BTBD9: variants seen among roughly 807,000 people sequenced by gnomAD.
BTBD9 encodes BTB domain containing 9.
Under a neutral mutation model 64.3 loss-of-function variants are expected in BTBD9, and 49 were observed. The ratio of observed to expected loss-of-function variants is 0.76; its 90% CI spans 0.61 to 0.97. The LOEUF is 0.97. BTBD9 is among the 50% of genes least tolerant of loss of function. The probability of loss-of-function intolerance (pLI) is 0.00; values close to 1 mark genes in which losing one functional copy is unlikely to be tolerated. For synonymous variants in BTBD9, 260 were observed against 274.7 expected, an observed-to-expected ratio of 0.95 and a Z score of 0.53; for missense variants, 598 against 762.1, an observed-to-expected ratio of 0.78 and a Z score of 2.53.
At chr6:38,414,848 T>C (rs1189525387) in intron 6 of BTBD9, among the ~76,000 whole-genome samples, 1 of 152,198 alleles carries the variant, frequency 6.6e-6, no homozygotes, top group African/African-American at 2.4e-5. Context: ...TTTCTCCTTT[T>C]ACTTTATATA....
At chr6:38,496,452 G>A (rs1390671837) in intron 6 of BTBD9, among the ~76,000 whole-genome samples, 1 of 151,832 alleles carries the variant, frequency 6.6e-6, no homozygotes, top group East Asian at 1.9e-4. Flanking sequence ...AGACCAGCCT[G>A]AGTAACACAG....
At chr6:38,564,861 C>T (rs562106277) in intron 6 of BTBD9, among the ~76,000 whole-genome samples, 1 of 152,144 alleles carries the variant, frequency 6.6e-6, no homozygotes, top group Admixed American at 6.5e-5. Flanking sequence ...TGCTGCACTC[C>T]AGCCTGGGCG....
At chr6:38,278,986 T>G (rs1339983452) in intron 8 of BTBD9, among the ~76,000 whole-genome samples, 1 of 152,182 alleles carries the variant, frequency 6.6e-6, no homozygotes, top group Non-Finnish European at 1.5e-5. Flanking sequence ...GATACATTGC[T>G]GAAAGAGGCA....
At chr6:38,614,187 G>A (rs750711965) in intron 1 of BTBD9, among the ~76,000 whole-genome samples, 1 of 152,124 alleles carries the variant, frequency 6.6e-6, no homozygotes, top group Non-Finnish European at 1.5e-5. Context: ...CTCAGAACAA[G>A]CTTCAAGCCC....
intron 9 of BTBD9, among the ~76,000 whole-genome samples, chr6:38,208,850 G>A (rs1762740945): frequency 6.6e-6 from 1 of 151,996 alleles, no homozygotes; most frequent in Non-Finnish European, 1.5e-5. Context: ...GGAAAAATGG[G>A]GCCAAGTTGA....
intron 9 of BTBD9, chr6:38,193,852 C>G: frequency 8.1e-6 from 8 of 985,410 alleles, no homozygotes; most frequent in Non-Finnish European, 9.6e-6. Context: ...CATCTTCCCT[C>G]TCACTATGAA....
chr6:38,379,848 T>C (rs1484008106), intron 6 of BTBD9, among the ~76,000 whole-genome samples: 1 of 152,196 alleles, frequency 6.6e-6, no homozygotes, highest in Non-Finnish European at 1.5e-5. Flanking sequence ...AGGGAAGGAA[T>C]GCACAGGAGA....
chr6:38,507,914 C>A (rs529617095), intron 6 of BTBD9, among the ~76,000 whole-genome samples: 1 of 148,274 alleles, frequency 6.7e-6, no homozygotes, highest in African/African-American at 2.5e-5. Flanking sequence ...GCTCACTTTA[C>A]GCTCCGCCTC....
intron 6 of BTBD9, among the ~76,000 whole-genome samples, chr6:38,558,886 A>C (rs978323282): frequency 1.3e-5 from 2 of 152,148 alleles, no homozygotes; most frequent in South Asian, 2.1e-4. Context: ...GGGTGATACT[A>C]GCTTCACAGA....
chr6:38,296,585 T>G (rs374754374), intron 7 of BTBD9, among the ~76,000 whole-genome samples: 47 of 152,288 alleles, frequency 3.1e-4, no homozygotes, highest in African/African-American at 1.1e-3. Context: ...TAATATAGTA[T>G]TTTACTTCTA....
chr6:38,203,854 C>T lies in BTBD9; in HGVS notation c.1563-11257G>A, dbSNP rs191037796. 3.4e-4 allele frequency among the ~76,000 whole-genome samples: 52 copies of T among 152,076 alleles called. 1 individual carries two copies. Among genetic ancestry groups the T allele is most frequent in the Admixed American group, 3.4e-3 (52 of 15,280 alleles). The stretch of plus-strand genomic sequence containing the variant: ...AATGTTCCATAGCAGACTAGGGTGA[C>T]TATAGTTAGCAACAATGTATTGTAT... On this transcript the variant is annotated intron_variant, in intron 9 of 10. Coordinates refer to ENST00000481247, the MANE Select transcript of BTBD9 (RefSeq NM_001099272.2).
In BTBD9 at chr6:38,333,913, T is replaced by C. The variant is rs114748325; in HGVS notation, c.1264+11071A>G. ...GTAGAACTGGAACAGCCTGGAGGGC[T>C]CAGAAGAAGACAGGAAGATGAGGGA... On this transcript the variant is annotated intron_variant, in intron 7 of 10. Coordinates refer to ENST00000481247, the MANE Select transcript of BTBD9 (RefSeq NM_001099272.2). Among the ~76,000 whole-genome samples, 489 of 152,276 alleles carry C rather than the reference T, an allele frequency of 3.2e-3. 1 individual carries two copies. The highest frequency in any genetic ancestry group is 0.011 in the African/African-American group (455 of 41,546).
intron 6 of BTBD9, among the ~76,000 whole-genome samples, chr6:38,469,582 G>A (rs1270735995): frequency 6.6e-6 from 1 of 152,086 alleles, no homozygotes; most frequent in Admixed American, 6.5e-5. Flanking sequence ...GGCCTCCAAA[G>A]TGCTGGGATT....
At chr6:38,488,275 A>G (rs1309470437) in intron 6 of BTBD9, among the ~76,000 whole-genome samples, 1 of 151,966 alleles carries the variant, frequency 6.6e-6, no homozygotes, top group African/African-American at 2.4e-5. Context: ...TTTTTTTAAT[A>G]TCAACAACAA....
chr6:38,254,475 CA>C (rs566844594), intron 9 of BTBD9, among the ~76,000 whole-genome samples: 2 of 149,668 alleles, frequency 1.3e-5, no homozygotes, highest in African/African-American at 2.5e-5. Context: ...AACAAACAAA[CA>C]AAAAAAAACA....
intron 6 of BTBD9, 24 bp downstream of exon 6, chr6:38,577,575 CA>C: frequency 6.3e-7 from 1 of 1,578,786 alleles, no homozygotes; most frequent in Non-Finnish European, 8.5e-7. Flanking sequence ...GAATAAAAAT[CA>C]TTTATTAACC....
chr6:38,455,363 T>G lies in BTBD9; in HGVS notation c.1155-110270A>C, dbSNP rs546770132. 3.9e-5 allele frequency among the ~76,000 whole-genome samples: 6 copies of G among 152,290 alleles called. No homozygotes were observed. The East Asian group carries it at 9.6e-4, about 24-fold the overall frequency. On this transcript the variant is annotated intron_variant, in intron 6 of 10. Transcript: ENST00000481247. ...CTCATTTTTTTCTTTTGAGATGGGG[T>G]CTTGCTTTGTTGCCCAAGCTGGTCT... is the stretch of plus-strand genomic sequence containing the variant.
intron 6 of BTBD9, among the ~76,000 whole-genome samples, chr6:38,399,055 T>C (rs1040430888): frequency 6.6e-6 from 1 of 152,220 alleles, no homozygotes; most frequent in Non-Finnish European, 1.5e-5. Context: ...TATGATATAA[T>C]AGCAGGTCCT....
intron 9 of BTBD9, among the ~76,000 whole-genome samples, chr6:38,223,845 T>C (rs183097580): frequency 6.6e-6 from 1 of 152,244 alleles, no homozygotes; most frequent in Non-Finnish European, 1.5e-5. Flanking sequence ...CAATTTCTCA[T>C]CTTGCTTTAG....
Sources: allele counts gnomAD v4.1 joint callset (sites outside exome capture counted in the v4.1 genomes callset), GRCh38; gene constraint gnomAD v4.1.1; transcripts MANE v1.5; gene names NCBI Gene and HGNC (gene_info 2026-07-23, HGNC 2026-07-21).